Variants in STRA6 observed in about 807,000 individuals in gnomAD.
STRA6 encodes signaling receptor and transporter of retinol STRA6, also known as receptor for retinol uptake STRA6.
Under a neutral mutation model 83.6 loss-of-function variants are expected in STRA6, and 48 were observed. The observed-to-expected ratio is 0.57, with a 90% CI of 0.46 to 0.73. STRA6 has a LOEUF of 0.73. Ranked by LOEUF, STRA6 falls within the 30% of genes least tolerant of loss-of-function variation. The pLI, the probability that STRA6 is intolerant of heterozygous loss-of-function variation, is 0.00. For synonymous variants in STRA6, 353 were observed against 362.3 expected (o/e 0.97, Z 0.29); for missense variants, 760 against 838.8 (o/e 0.91, Z 1.16).
At chr15:74,196,186 C>A in intron 4 of STRA6, 39 bp from the exon 5 acceptor site, 2 of 1,610,424 alleles carry the variant, frequency 1.2e-6, no homozygotes, top group South Asian at 1.1e-5. Flanking sequence ...GGGAGTTGCT[C>A]AGCCCCTGCA....
chr15:74,183,530 C>T, intron 14 of STRA6: 1 of 1,201,070 alleles, frequency 8.3e-7, no homozygotes, highest in Non-Finnish European at 1.1e-6. Flanking sequence ...AGGTGTGAGC[C>T]ACTGAGCCCA....
At chr15:74,191,648 G>A (rs946603842) in intron 8 of STRA6, 157 bp from the exon 9 acceptor site, 23 of 700,938 alleles carry the variant, frequency 3.3e-5, no homozygotes, top group Non-Finnish European at 5.7e-5. Context: ...GACCTGTGGG[G>A]ATGAGGTCCG....
rs145546644 is a variant in STRA6 at position 74,183,349 on chromosome 15, G to T, written c.1300+507C>A. The T allele has an allele frequency of 1.7e-4, 44 of 257,314 alleles. 1 individual carries two copies. The highest frequency in any genetic ancestry group is 8.6e-4 in the African/African-American group (38 of 44,056). The allele number at this position is 257,314 out of a possible 1,614,324, so 15.9% of individuals were successfully genotyped here. A position where few individuals can be genotyped will look rare whatever the true frequency, so the allele number is the denominator to read the frequency against. ...CAACCTCCACCTCCTGGGTTCAAGC[G>T]ATTCTCCTGCCTCATCCTCCCGAAT... is the stretch of plus-strand genomic sequence containing the variant. On this transcript the variant is annotated intron_variant, in intron 14 of 18. Transcript: ENST00000395105.
chr15:74,193,747 G>A (rs1037552287), intron 8 of STRA6, 53 bp downstream of exon 8: 7 of 1,608,328 alleles, frequency 4.4e-6, no homozygotes, highest in Non-Finnish European at 5.9e-6. Flanking sequence ...ATACGGGGGA[G>A]TAGGGCTGTC....
chr15:74,189,597 C>T (rs1329288841), intron 11 of STRA6, among the ~76,000 whole-genome samples: 1 of 152,058 alleles, frequency 6.6e-6, no homozygotes, highest in South Asian at 2.1e-4. Context: ...TGGGGAAAAA[C>T]CCTCAATAAA....
At chr15:74,208,906 C>T (rs775542829) in exon 1 of STRA6, 15 of 990,146 alleles carry the variant, frequency 1.5e-5, no homozygotes, top group African/African-American at 1.0e-4. Flanking sequence ...GCTCCCAACA[C>T]GGGGCCTTCT....
intron 14 of STRA6, chr15:74,183,614 C>G (rs1276766635): frequency 1.5e-6 from 2 of 1,372,748 alleles, no homozygotes; most frequent in South Asian, 3.0e-5. Flanking sequence ...TGGTGGCACC[C>G]AGGGTTCATC....
At position 74,195,680 on chromosome 15, in the gene STRA6, A is replaced by G. The variant is rs775911424; in HGVS notation, c.407-5T>C. 7.4e-7 allele frequency: 1 copy of G among 1,355,358 alleles called. No homozygotes were observed. The highest frequency in any genetic ancestry group is 2.5e-5 in the East Asian group (1 of 39,980). 84.0% of individuals were successfully genotyped at this position (1,355,358 alleles called of 1,614,324 possible). Reference sequence around the variant, plus strand: ...TTGGAGCCTCAGTTTTCCCATCTGTAAAATGAAAATAATCACAGTATATTA... The same window carrying G: ...TTGGAGCCTCAGTTTTCCCATCTGTGAAATGAAAATAATCACAGTATATTA... On this transcript the variant is annotated splice_region_variant and splice_polypyrimidine_tract_variant and intron_variant, in intron 5 of 18. Transcript: ENST00000395105.
chr15:74,199,283 C>T (rs1218810293), intron 2 of STRA6, among the ~76,000 whole-genome samples: 2 of 152,198 alleles, frequency 1.3e-5, no homozygotes, highest in African/African-American at 4.8e-5. Flanking sequence ...GAAATCCCAG[C>T]GGGTGAGCGG....
chr15:74,205,041 T>C (rs1302793433), upstream of STRA6, among the ~76,000 whole-genome samples: 1 of 152,130 alleles, frequency 6.6e-6, no homozygotes, highest in Non-Finnish European at 1.5e-5. Context: ...AGTCAAGGCC[T>C]GCACCAAATG....
chr15:74,182,370 A>C lies in STRA6; in HGVS notation c.1391T>G (p.Leu464Arg), dbSNP rs201408425. Residue 464 changes from leucine (L) to arginine (R), a missense_variant, in exon 15 of 19, where the codon CTG (leucine) becomes CGG (arginine). By Grantham distance (102) the Leu-to-Arg change is moderately radical. Coordinates refer to ENST00000395105, the MANE Select transcript of STRA6 (RefSeq NM_022369.4). Reference sequence around the variant, plus strand: ...CGAGGACTCCAGGGAACGGAAGAGCAGGAGGTTCCTGCCATGGAGCACAGG... The same window carrying C: ...CGAGGACTCCAGGGAACGGAAGAGCCGGAGGTTCCTGCCATGGAGCACAGG... ...LMPVLHGRNLLLFRSLESSWP... is the reference protein window; with the variant it reads ...LMPVLHGRNLRLFRSLESSWP... 1.5e-4 allele frequency: 247 copies of C among 1,614,028 alleles called. 4 individuals are homozygous for C. In the Admixed American group the frequency reaches 3.7e-3, roughly 24 times the overall value.
At chr15:74,193,727 G>A in intron 8 of STRA6, 73 bp downstream of exon 8, 1 of 1,602,852 alleles carries the variant, frequency 6.2e-7, no homozygotes, top group Non-Finnish European at 8.5e-7. Flanking sequence ...CCATGTATCT[G>A]GGACCACAGA....
In STRA6 at chr15:74,197,739, G is replaced by C; in HGVS notation, c.180+13C>G. 1.9e-6 allele frequency: 3 copies of C among 1,612,872 alleles called. No individual in the cohort carries two copies. The highest frequency in any genetic ancestry group is 2.5e-6 in the Non-Finnish European group (3 of 1,179,980). On this transcript the variant is annotated intron_variant, in intron 3 of 18. Transcript: ENST00000395105. Reference sequence around the variant, plus strand: ...GCAGCTTGCAAGCCAGGTTCAACTTGGGTTGGACTCACTGACAGCGAGGCC... The same window carrying C: ...GCAGCTTGCAAGCCAGGTTCAACTTCGGTTGGACTCACTGACAGCGAGGCC...
chr15:74,202,400 T>G (rs907351525), intron 1 of STRA6, 118 bp from the exon 2 acceptor site: 1 of 1,541,940 alleles, frequency 6.5e-7, no homozygotes, highest in Non-Finnish European at 8.7e-7. Flanking sequence ...TCTTTAATCC[T>G]GAAGGTTACT....
intron 5 of STRA6, 145 bp downstream of exon 5, chr15:74,195,863 A>T: frequency 8.0e-7 from 1 of 1,251,624 alleles, no homozygotes; most frequent in African/African-American, 1.5e-5. Context: ...GGATGGTCTA[A>T]AAAGGTCACG....
At chr15:74,192,766 G>A (rs1013169389) in intron 8 of STRA6, among the ~76,000 whole-genome samples, 3 of 152,210 alleles carry the variant, frequency 2.0e-5, no homozygotes, top group Admixed American at 1.3e-4. Context: ...TTTCTCCTGA[G>A]TCTGTTCTTC....
Position 74,181,329 on chromosome 15 carries a change from G to T in STRA6, c.1650C>A (p.Ser550Arg). 1 of 1,612,046 alleles carries T rather than the reference G, an allele frequency of 6.2e-7. No homozygotes were observed. Among genetic ancestry groups the T allele is most frequent in the Non-Finnish European group, 8.5e-7 (1 of 1,179,536 alleles). The change falls in exon 17 of 19, where the codon AGC (serine) becomes AGA (arginine). Residue 550 changes from serine to arginine, a missense_variant. By Grantham distance (110) the Ser-to-Arg change is moderately radical. Coordinates refer to ENST00000395105, the MANE Select transcript of STRA6 (RefSeq NM_022369.4). Reference sequence around the variant, plus strand: ...GAGTGGCGGCTCTCGGTGGCAGCAGGCTGAGGTCCATCTGGCCAAGGTGGA... The same window carrying T: ...GAGTGGCGGCTCTCGGTGGCAGCAGTCTGAGGTCCATCTGGCCAAGGTGGA... ...NAIHLGQMDLSLLPPRAATLD... is the reference protein window; with the variant it reads ...NAIHLGQMDLRLLPPRAATLD...
chr15:74,209,501 G>A, upstream of STRA6: 1 of 1,479,700 alleles, frequency 6.8e-7, no homozygotes, highest in Non-Finnish European at 9.1e-7. Flanking sequence ...CAGCTAAGGG[G>A]AGTCATCACA....
At position 74,197,551 on chromosome 15, in the gene STRA6, G is replaced by A. The variant is rs556386562; in HGVS notation, c.181-128C>T. ...AGTGCACACTCATGTGACATCTTGG[G>A]GACTGGTCAAGGGGTGACAGACATC... On this transcript the variant is annotated intron_variant, in intron 3 of 18. Coordinates refer to ENST00000395105, the MANE Select transcript of STRA6 (RefSeq NM_022369.4). The A allele has an allele frequency of 7.8e-5, 85 of 1,088,664 alleles. 1 individual carries two copies. The South Asian group carries it at 1.1e-3, about 15-fold the overall frequency. 67.4% of individuals were successfully genotyped at this position (1,088,664 alleles called of 1,614,324 possible). A position where few individuals can be genotyped will look rare whatever the true frequency, so the allele number is the denominator to read the frequency against.
Sources: gnomAD v4.1 joint callset for allele counts (sites outside exome capture counted in the v4.1 genomes callset) on GRCh38, gnomAD v4.1.1 for gene constraint, MANE v1.5 for transcripts, NCBI Gene and HGNC (gene_info 2026-07-23, HGNC 2026-07-21) for gene names.